CCT3: variants seen among roughly 807,000 people sequenced by gnomAD.
CCT3 encodes the protein T-complex protein 1 subunit gamma.
CCT3 carries 10 observed loss-of-function variants against 65.3 expected under a neutral mutation model. The ratio of observed to expected loss-of-function variants is 0.15; its 90% CI spans 0.09 to 0.26. CCT3 has a LOEUF of 0.26. Among genes scored for constraint, CCT3 ranks in the 10% least tolerant of loss-of-function variants. The pLI, the probability that CCT3 is intolerant of heterozygous loss-of-function variation, is 1.00. For missense variants in CCT3, 626 were observed against 708.7 expected, an observed-to-expected ratio of 0.88 and a Z score of 1.33; for synonymous variants, 225 against 242.3, an observed-to-expected ratio of 0.93 and a Z score of 0.66.
intron 8 of CCT3, among the ~76,000 whole-genome samples, chr1:156,317,948 G>A (rs1216375575): frequency 1.2e-4 from 18 of 151,956 alleles, no homozygotes; most frequent in Non-Finnish European, 1.8e-4. Context: ...TTCTGACTTC[G>A]TGATCCGCCC....
chr1:156,312,871 C>A (rs1167838647), intron 10 of CCT3, among the ~76,000 whole-genome samples: 1 of 152,098 alleles, frequency 6.6e-6, no homozygotes. Flanking sequence ...AATGTGAAAT[C>A]ATTATGATAC....
At chr1:156,318,007 C>T (rs755644545) in intron 8 of CCT3, among the ~76,000 whole-genome samples, 3 of 152,064 alleles carry the variant, frequency 2.0e-5, no homozygotes, top group East Asian at 1.9e-4. Flanking sequence ...CCACCACGCC[C>T]GGCCAGCTCC....
chr1:156,311,147 G>A lies in CCT3; in HGVS notation c.1204C>T (p.Leu402Phe). The A allele has an allele frequency of 6.2e-7, 1 of 1,614,066 alleles. No individual in the cohort carries two copies. The highest frequency in any genetic ancestry group is 8.5e-7 in the Non-Finnish European group (1 of 1,179,986). Reference protein sequence around the residue: ...QDAMQVCRNVLLDPQLVPGGG... With the variant: ...QDAMQVCRNVFLDPQLVPGGG... ...CCTGGCACCAGCTGAGGGTCCAGGA[G>A]AACATTGCGACACACTTGCATGGCA... The change falls in exon 12 of 14, where the codon CTC becomes TTC. Residue 402 changes from leucine to phenylalanine, a missense_variant. Physicochemically the swap from Leu to Phe is conservative, Grantham distance 22. Transcript: ENST00000295688.
intron 8 of CCT3, 91 bp downstream of exon 8, chr1:156,318,777 G>T: frequency 1.6e-6 from 2 of 1,236,860 alleles, no homozygotes; most frequent in Non-Finnish European, 2.3e-6. Flanking sequence ...GCACCCAGAA[G>T]GCATGCAATA....
In CCT3 at chr1:156,311,193, T is replaced by C. The variant is rs770438547; in HGVS notation, c.1158A>G (p.Glu386=). ...LRGASKEILS[E]VERNLQDAMQ... is the part of the protein sequence containing the mutation. ...TGGCATCCTGGAGGTTGCGTTCTAC[T>C]TCCTTGGAGAAGCAAACAGACAGTA... Residue 386 remains glutamate, a splice_region_variant and synonymous_variant, in exon 12 of 14, where the codon GAA becomes GAG. Coordinates refer to ENST00000295688, the MANE Select transcript of CCT3 (RefSeq NM_005998.5). 23 of 1,613,336 alleles carry C rather than the reference T, an allele frequency of 1.4e-5. No individual in the cohort carries two copies. In the South Asian group the frequency reaches 2.1e-4, roughly 15 times the overall value.
chr1:156,319,555 T>C (rs922350837), intron 7 of CCT3, among the ~76,000 whole-genome samples: 6 of 152,090 alleles, frequency 3.9e-5, no homozygotes, highest in Admixed American at 1.3e-4. Context: ...TCACTGAAAT[T>C]CAATGACTTG....
In CCT3 at chr1:156,326,409, T is replaced by C. The variant is rs1664809476; in HGVS notation, c.305-1320A>G. Among the ~76,000 whole-genome samples, 3 of 152,108 alleles carry C rather than the reference T, an allele frequency of 2.0e-5. No individual in the cohort carries two copies. In the South Asian group the frequency reaches 6.2e-4, roughly 32 times the overall value. On this transcript the variant is annotated intron_variant, in intron 5 of 13. Transcript: ENST00000295688. ...GCTCACATCTGTAATCCTAGCACTT[T>C]GGGAGGCCAAGGCAGATGGATTACC... is the stretch of plus-strand genomic sequence containing the variant.
intron 1 of CCT3, chr1:156,337,206 G>A: frequency 2.3e-6 from 1 of 439,342 alleles, no homozygotes; most frequent in Non-Finnish European, 3.9e-6. Context: ...TCAGCAGTTG[G>A]AGACCAGCCT....
At chr1:156,318,444 C>T (rs893187393) in intron 8 of CCT3, among the ~76,000 whole-genome samples, 1 of 152,078 alleles carries the variant, frequency 6.6e-6, no homozygotes, top group Non-Finnish European at 1.5e-5. Context: ...GTCTTGAACT[C>T]CTGGGCTCGA....
chr1:156,322,404 G>A (rs1385898700), intron 6 of CCT3, among the ~76,000 whole-genome samples: 1 of 152,102 alleles, frequency 6.6e-6, no homozygotes. Context: ...GGCTGAGACA[G>A]AATTGCTTGA....
chr1:156,319,684 C>A, intron 7 of CCT3, among the ~76,000 whole-genome samples: 1 of 151,790 alleles, frequency 6.6e-6, no homozygotes, highest in South Asian at 2.1e-4. Context: ...CCAGCCTGGG[C>A]AACACATTGA....
rs897486763 is a variant in CCT3 at position 156,309,162 on chromosome 1, T to C, written c.*37A>G. On this transcript the variant is annotated 3_prime_UTR_variant, in exon 14 of 14. Coordinates refer to ENST00000295688, the MANE Select transcript of CCT3 (RefSeq NM_005998.5). ...TCTGGCTCAGGAAAAGGGGAGACTC[T>C]GCTGGTTCTGTGCATTGAAGTAGCC... is the stretch of plus-strand genomic sequence containing the variant. 2 of 1,346,750 alleles carry C rather than the reference T, an allele frequency of 1.5e-6. No individual in the cohort carries two copies. The highest frequency in any genetic ancestry group is 1.7e-5 in the Admixed American group (1 of 59,648). The allele number at this position is 1,346,750 out of a possible 1,614,324, so 83.4% of individuals were successfully genotyped here.
chr1:156,324,892 G>T, intron 6 of CCT3, 80 bp downstream of exon 6: 3 of 926,026 alleles, frequency 3.2e-6, no homozygotes, highest in South Asian at 2.8e-5. Context: ...CTCCCAAAGT[G>T]CTGGGATGAC....
In CCT3 at chr1:156,317,432, G is replaced by A. The variant is rs1027654935; in HGVS notation, c.875C>T (p.Thr292Ile). The change falls in exon 9 of 14, where the codon ACT becomes ATT. Residue 292 changes from threonine to isoleucine, a missense_variant. Thr to Ile is a moderately conservative substitution (Grantham distance 89, BLOSUM62 -1). Transcript: ENST00000295688. ...IIQLKPDVVI[T>I]EKGISDLAQH... ...AGTCCCACCTGAGATGCCCTTTTCAGTGATGACCACATCGGGCTTCAGTTG... is the reference window on the plus strand; with the variant it reads ...AGTCCCACCTGAGATGCCCTTTTCAATGATGACCACATCGGGCTTCAGTTG... The A allele has an allele frequency of 4.3e-6, 7 of 1,612,970 alleles. No individual in the cohort carries two copies. The highest frequency in any genetic ancestry group is 4.2e-6 in the Non-Finnish European group (5 of 1,179,012).
At chr1:156,317,043 CAA>C in intron 10 of CCT3, 121 bp downstream of exon 10, 1 of 848,242 alleles carries the variant, frequency 1.2e-6, no homozygotes, top group Non-Finnish European at 1.9e-6. Context: ...GCAGCTAAGC[CAA>C]GGTTATTTCT....
chr1:156,309,077 T>C lies in CCT3; in HGVS notation c.*122A>G, dbSNP rs1219581814. On this transcript the variant is annotated 3_prime_UTR_variant, in exon 14 of 14. Transcript: ENST00000295688. The stretch of plus-strand genomic sequence containing the variant: ...AAACTGAGCTGGGACAGAAAGGGAC[T>C]GGGGGCTGCCCCCCAACCTGATCCC... 1.4e-6 allele frequency: 1 copy of C among 691,836 alleles called. No homozygotes were observed. The highest frequency in any genetic ancestry group is 2.5e-5 in the East Asian group (1 of 39,962). The allele number at this position is 691,836 out of a possible 1,614,324, so 42.9% of individuals were successfully genotyped here. A position where few individuals can be genotyped will look rare whatever the true frequency, so the allele number is the denominator to read the frequency against.
In CCT3 at chr1:156,338,282, T is replaced by A; in HGVS notation, c.-98A>T. On this transcript the variant is annotated 5_prime_UTR_variant, in exon 1 of 14. Transcript: ENST00000295688. ...CAGAAGCCCAGAAAACGCTGCCTCC[T>A]CAGGGCTTACACCTCAACCCGCTAC... 2 of 1,238,978 alleles carry A rather than the reference T, an allele frequency of 1.6e-6. No homozygotes were observed. The highest frequency in any genetic ancestry group is 1.3e-5 in the South Asian group (1 of 77,910). The allele number at this position is 1,238,978 out of a possible 1,614,324, so 76.7% of individuals were successfully genotyped here.
intron 10 of CCT3, among the ~76,000 whole-genome samples, chr1:156,315,425 T>C (rs574853301): frequency 6.6e-6 from 1 of 152,298 alleles, no homozygotes; most frequent in African/African-American, 2.4e-5. Flanking sequence ...GCCAGGCTGG[T>C]CTTGAACTCC....
At chr1:156,311,977 T>G in intron 11 of CCT3, 64 bp downstream of exon 11, 1 of 1,364,772 alleles carries the variant, frequency 7.3e-7, no homozygotes, top group South Asian at 1.6e-5. Flanking sequence ...TTTAGGCCCT[T>G]TGGGAAACTC....
Sources: gnomAD v4.1 joint callset for allele counts (sites outside exome capture counted in the v4.1 genomes callset) on GRCh38, gnomAD v4.1.1 for gene constraint, MANE v1.5 for transcripts, NCBI Gene and HGNC (gene_info 2026-07-23, HGNC 2026-07-21) for gene names.